COL4A6: variants seen among roughly 807,000 people sequenced by gnomAD.
The protein encoded by COL4A6 is collagen alpha-6(IV) chain.
In COL4A6, 59 loss-of-function variants were observed where a neutral mutation model predicts 126.7. The observed-to-expected ratio is 0.47, with a 90% CI of 0.38 to 0.58. COL4A6 has a LOEUF of 0.58. Ranked by LOEUF, COL4A6 falls within the 20% of genes least tolerant of loss-of-function variation. The pLI, the probability that COL4A6 is intolerant of heterozygous loss-of-function variation, is 0.00. For synonymous variants in COL4A6, 547 were observed against 496.6 expected (o/e 1.10, Z -1.35); for missense variants, 1,285 against 1,337.3 (o/e 0.96, Z 0.61).
chrX:108,212,440 G>A (rs2035737462), intron 6 of COL4A6, among the ~76,000 whole-genome samples: 1 of 111,203 alleles, frequency 9.0e-6, no homozygotes, highest in African/African-American at 3.3e-5. Flanking sequence ...TAGATTTTTT[G>A]CTGTCTTACT....
At chrX:108,360,743 G>A (rs2040068313) in intron 2 of COL4A6, among the ~76,000 whole-genome samples, 1 of 109,518 alleles carries the variant, frequency 9.1e-6, no homozygotes, top group Non-Finnish European at 1.9e-5. Context: ...TCACTATGTT[G>A]GCCAAGCTGG....
intron 2 of COL4A6, among the ~76,000 whole-genome samples, chrX:108,363,233 G>A (rs1298170635): frequency 9.0e-6 from 1 of 111,639 alleles, no homozygotes; most frequent in African/African-American, 3.3e-5. Flanking sequence ...AGGTAAAAGC[G>A]ATACTACTTC....
intron 28 of COL4A6, among the ~76,000 whole-genome samples, chrX:108,176,088 G>A (rs1242457777): frequency 9.0e-6 from 1 of 110,768 alleles, no homozygotes; most frequent in Non-Finnish European, 1.9e-5. Flanking sequence ...ACTTTGGGAA[G>A]GTGAGGCGGG....
intron 2 of COL4A6, among the ~76,000 whole-genome samples, chrX:108,331,549 C>A (rs1189812470): frequency 8.9e-6 from 1 of 111,859 alleles, no homozygotes; most frequent in Admixed American, 9.5e-5. Flanking sequence ...TACTATGTAA[C>A]CACTGTTGTA....
At chrX:108,167,637 C>T (rs2034171530) in intron 37 of COL4A6, among the ~76,000 whole-genome samples, 1 of 111,582 alleles carries the variant, frequency 9.0e-6, no homozygotes, top group Non-Finnish European at 1.9e-5. Flanking sequence ...CACCCAACCA[C>T]TCTGTGATGT....
rs187742615 is a variant in COL4A6 at position 108,403,093 on chromosome X, T to C, written c.63+34849A>G. On this transcript the variant is annotated intron_variant, in intron 2 of 44. Transcript: ENST00000334504. ...TTTTCTTCTTGCATTGCATTAAATT[T>C]TGCATTCCATTTCGATCGGTAAGTG... Among the ~76,000 whole-genome samples the C allele has an allele frequency of 2.7e-3, 295 of 111,245 alleles. 2 individuals are homozygous for C. Among genetic ancestry groups the C allele is most frequent in the African/African-American group, 9.3e-3 (285 of 30,735 alleles).
intron 2 of COL4A6, among the ~76,000 whole-genome samples, chrX:108,382,965 T>A (rs1241063275): frequency 1.2e-5 from 1 of 84,756 alleles, no homozygotes; most frequent in East Asian, 3.4e-4. Flanking sequence ...CCGCCAAAAA[T>A]AATAATAATA....
At chrX:108,266,784 C>A (rs780415928) in intron 3 of COL4A6, among the ~76,000 whole-genome samples, 1 of 111,427 alleles carries the variant, frequency 9.0e-6, no homozygotes, top group East Asian at 2.9e-4. Context: ...TAAGATTAGA[C>A]CCAGATATTA....
chrX:108,426,492 G>A (rs1376693616), intron 2 of COL4A6, among the ~76,000 whole-genome samples: 1 of 111,803 alleles, frequency 8.9e-6, no homozygotes, highest in African/African-American at 3.3e-5. Flanking sequence ...AGATGCCTGG[G>A]GCGGTGTCTT....
chrX:108,365,912 T>C (rs866356257), intron 2 of COL4A6, among the ~76,000 whole-genome samples: 1 of 111,076 alleles, frequency 9.0e-6, no homozygotes, highest in Admixed American at 9.6e-5. Flanking sequence ...AGAGCATAAG[T>C]AAAGTAACAA....
chrX:108,377,663 G>A lies in COL4A6; in HGVS notation c.63+60279C>T, dbSNP rs1356639363. On this transcript the variant is annotated intron_variant, in intron 2 of 44. Coordinates refer to ENST00000334504, the MANE Select transcript of COL4A6 (RefSeq NM_033641.4). ...AGCTGTAACTCGGCCGGGCGCGGTG[G>A]CTCACGCCTGTAATCCCAGCATTTG... Among the ~76,000 whole-genome samples, 3 of 107,923 alleles carry A rather than the reference G, an allele frequency of 2.8e-5. No homozygotes were observed. In the East Asian group the frequency reaches 8.6e-4, roughly 31 times the overall value. The allele number at this position is 107,923 out of a possible 115,157, so 93.7% of individuals were successfully genotyped here.
intron 3 of COL4A6, chrX:108,267,597 A>G (rs751033557): frequency 8.9e-6 from 1 of 112,799 alleles, no homozygotes; most frequent in Non-Finnish European, 1.9e-5. Context: ...GTGAGGAATC[A>G]TATAAAACAA....
chrX:108,436,227 C>T (rs1322202315), intron 2 of COL4A6, among the ~76,000 whole-genome samples: 1 of 112,266 alleles, frequency 8.9e-6, no homozygotes, highest in Non-Finnish European at 1.9e-5. Context: ...AACTCAAGGT[C>T]AATTTTAGAC....
chrX:108,368,551 G>A (rs1469821132), intron 2 of COL4A6, among the ~76,000 whole-genome samples: 1 of 110,422 alleles, frequency 9.1e-6, no homozygotes, highest in East Asian at 2.8e-4. Flanking sequence ...TACTCTAACT[G>A]TATAAAATAA....
upstream of COL4A6, among the ~76,000 whole-genome samples, chrX:108,438,650 A>G (rs1216253256): frequency 8.9e-6 from 1 of 112,831 alleles, no homozygotes; most frequent in East Asian, 2.8e-4. Context: ...GTTAGGTTAC[A>G]CATAAAGAGA....
intron 3 of COL4A6, among the ~76,000 whole-genome samples, chrX:108,300,850 T>G (rs1322522125): frequency 9.0e-6 from 1 of 110,529 alleles, no homozygotes; most frequent in African/African-American, 3.3e-5. Context: ...TCTTAAATGT[T>G]TTTCTAGGGG....
intron 2 of COL4A6, among the ~76,000 whole-genome samples, chrX:108,313,494 A>AT (rs768967545): frequency 2.7e-5 from 3 of 111,544 alleles, no homozygotes; most frequent in East Asian, 2.8e-4. Context: ...AAGCAAAAAA[A>AT]TTTTTTTAAA....
At chrX:108,328,697 C>G (rs1238485297) in intron 2 of COL4A6, among the ~76,000 whole-genome samples, 2 of 112,119 alleles carry the variant, frequency 1.8e-5, no homozygotes, top group Non-Finnish European at 3.8e-5. Flanking sequence ...ACTTCATGAT[C>G]TGGCAATTCC....
chrX:108,162,447 GAAGAAGAA>G (rs1569322571), intron 41 of COL4A6, among the ~76,000 whole-genome samples: 1 of 87,087 alleles, frequency 1.1e-5, no homozygotes, highest in Non-Finnish European at 2.5e-5. Context: ...AGAGGAAGAC[GAAGAAGAA>G]AAGAAGAAGA....
Sources: gnomAD v4.1 joint callset for allele counts (sites outside exome capture counted in the v4.1 genomes callset) on GRCh38, gnomAD v4.1.1 for gene constraint, MANE v1.5 for transcripts, NCBI Gene and HGNC (gene_info 2026-07-23, HGNC 2026-07-21) for gene names.